CFAP97D2: variants seen among roughly 807,000 people sequenced by gnomAD.
The protein encoded by CFAP97D2 is uncharacterized protein CFAP97D2.
rs2080849962 is a variant in CFAP97D2 at position 114,185,103 on chromosome 13, G to A, written c.90+5683G>A. ...CTCTGTGTCCCACATCCCCAAGGCA[G>A]CCAACTGTGCTGCCCCAACCCTTGT... On this transcript the variant is annotated intron_variant, in intron 1 of 4. Coordinates refer to ENST00000646158, the Ensembl canonical transcript of CFAP97D2. The surrounding 1 kb of genome is among the most constrained non-coding windows in gnomAD (Gnocchi z 5.2). Among the ~76,000 whole-genome samples, 1 of 152,230 alleles carries A rather than the reference G, an allele frequency of 6.6e-6. No homozygotes were observed. The highest frequency in any genetic ancestry group is 2.4e-5 in the African/African-American group (1 of 41,460).
chr13:114,201,362 A>G (rs952024927), intron 3 of CFAP97D2, among the ~76,000 whole-genome samples: 2 of 152,218 alleles, frequency 1.3e-5, no homozygotes, highest in Admixed American at 1.3e-4. Flanking sequence ...TAGTAGTTTC[A>G]GATTTCATAA....
intron 3 of CFAP97D2, among the ~76,000 whole-genome samples, chr13:114,210,625 A>G (rs1461049509): frequency 5.9e-5 from 9 of 152,046 alleles, no homozygotes; most frequent in Non-Finnish European, 1.2e-4. Context: ...TCCATGGGCA[A>G]CGTTGCCCAG....
rs777359954 is a variant in CFAP97D2 at position 114,207,485 on chromosome 13, A to G, written c.291-4427A>G. On this transcript the variant is annotated intron_variant, in intron 3 of 4. Coordinates refer to ENST00000646158, the Ensembl canonical transcript of CFAP97D2. The surrounding 1 kb of genome is among the most constrained non-coding windows in gnomAD (Gnocchi z 4.9). ...AGATCATCAGGCATTAGATTTTCATAAGGAACACGCAGCTTAGATCTCTCG... is the reference window on the plus strand; with the variant it reads ...AGATCATCAGGCATTAGATTTTCATGAGGAACACGCAGCTTAGATCTCTCG... Among the ~76,000 whole-genome samples the G allele has an allele frequency of 3.3e-5, 5 of 152,074 alleles. No homozygotes were observed. The highest frequency in any genetic ancestry group is 7.4e-5 in the Non-Finnish European group (5 of 68,020).
chr13:114,186,676 A>G lies in CFAP97D2; in HGVS notation c.90+7256A>G, dbSNP rs1385489453. ...CCTCCAAGCTTCTGGGCACCACTGC[A>G]TTCCCCAGTGCCAACTATGGAAGCT... On this transcript the variant is annotated intron_variant, in intron 1 of 4. Transcript: ENST00000646158. This position sits in a 1 kb window ranked among gnomAD's most constrained non-coding sequence, Gnocchi z 4.3. 6.6e-6 allele frequency among the ~76,000 whole-genome samples: 1 copy of G among 152,226 alleles called. No individual in the cohort carries two copies. The highest frequency in any genetic ancestry group is 6.5e-5 in the Admixed American group (1 of 15,288).
rs2080966922 is a variant in CFAP97D2 at position 114,211,668 on chromosome 13, A to G, written c.291-244A>G. Among the ~76,000 whole-genome samples the G allele has an allele frequency of 6.6e-6, 1 of 152,166 alleles. No individual in the cohort carries two copies. The highest frequency in any genetic ancestry group is 1.5e-5 in the Non-Finnish European group (1 of 68,034). ...GCTGTGCCCCATTGTGCTCACCCTGAAAACGCCCCTCCCGCCGTGCAAAGC... is the reference window on the plus strand; with the variant it reads ...GCTGTGCCCCATTGTGCTCACCCTGGAAACGCCCCTCCCGCCGTGCAAAGC... On this transcript the variant is annotated intron_variant, in intron 3 of 4. Transcript: ENST00000646158. This position sits in a 1 kb window ranked among gnomAD's most constrained non-coding sequence, Gnocchi z 4.2.
chr13:114,212,809 G>C (rs1034872902), intron 4 of CFAP97D2, among the ~76,000 whole-genome samples: 37 of 152,040 alleles, frequency 2.4e-4, no homozygotes, highest in African/African-American at 8.5e-4. Context: ...CCGAGATCTT[G>C]CCACTGCACT....
chr13:114,218,774 G>A (rs560595438), intron 4 of CFAP97D2, among the ~76,000 whole-genome samples: 1 of 152,144 alleles, frequency 6.6e-6, no homozygotes, highest in African/African-American at 2.4e-5. Context: ...CAAGAAATGG[G>A]GAAAGGATTC....
chr13:114,220,162 C>A (rs7996053), intron 4 of CFAP97D2, among the ~76,000 whole-genome samples: 9,912 of 152,228 alleles, frequency 0.065, 549 homozygotes, highest in African/African-American at 0.13. Flanking sequence ...AGAAGACCCT[C>A]CTGGGCCCAG....
At chr13:114,217,210 C>T (rs2080997850) in intron 4 of CFAP97D2, among the ~76,000 whole-genome samples, 1 of 152,056 alleles carries the variant, frequency 6.6e-6, no homozygotes, top group Non-Finnish European at 1.5e-5. Flanking sequence ...ACCACTGATC[C>T]CACAGAAATA....
At chr13:114,193,807 G>A (rs1209070368) in intron 1 of CFAP97D2, among the ~76,000 whole-genome samples, 1 of 152,198 alleles carries the variant, frequency 6.6e-6, no homozygotes, top group African/African-American at 2.4e-5. Context: ...GTTGGCAAAT[G>A]TGTTTGTAGA....
At chr13:114,182,437 C>T in intron 1 of CFAP97D2, among the ~76,000 whole-genome samples, 1 of 151,924 alleles carries the variant, frequency 6.6e-6, no homozygotes, top group Non-Finnish European at 1.5e-5. Context: ...TCCTCTATCT[C>T]AACTGCAAGA....
intron 4 of CFAP97D2, among the ~76,000 whole-genome samples, chr13:114,213,279 C>T (rs1333337670): frequency 6.6e-6 from 1 of 150,452 alleles, no homozygotes; most frequent in Non-Finnish European, 1.5e-5. Flanking sequence ...CACCCCTGCA[C>T]AAACTCCAGA....
rs756548567 is a variant in CFAP97D2 at position 114,207,248 on chromosome 13, A to T, written c.291-4664A>T. Among the ~76,000 whole-genome samples, 1 of 152,192 alleles carries T rather than the reference A, an allele frequency of 6.6e-6. No homozygotes were observed. The highest frequency in any genetic ancestry group is 1.5e-5 in the Non-Finnish European group (1 of 68,012). ...AAAGTATCTAGACAGGTCTCAAACA[A>T]TCTAGGGGTTTATTTGCCACCATTG... is the stretch of plus-strand genomic sequence containing the variant. On this transcript the variant is annotated intron_variant, in intron 3 of 4. Transcript: ENST00000646158. This position sits in a 1 kb window ranked among gnomAD's most constrained non-coding sequence, Gnocchi z 4.9.
chr13:114,205,881 T>C (rs192965099), intron 3 of CFAP97D2, among the ~76,000 whole-genome samples: 27 of 152,224 alleles, frequency 1.8e-4, no homozygotes, highest in South Asian at 8.3e-4. Flanking sequence ...TGGGACTTAG[T>C]CTCAGCAACA....
intron 4 of CFAP97D2, among the ~76,000 whole-genome samples, chr13:114,217,795 T>A (rs576836377): frequency 6.6e-6 from 1 of 152,178 alleles, no homozygotes; most frequent in Non-Finnish European, 1.5e-5. Flanking sequence ...TCTCAATAGA[T>A]ACAGAAAAGG....
intron 4 of CFAP97D2, among the ~76,000 whole-genome samples, chr13:114,214,582 T>TTTTGTTTG (rs10636230): frequency 2.1e-4 from 32 of 150,994 alleles, no homozygotes; most frequent in East Asian, 5.9e-4. Flanking sequence ...ATATTTGAGG[T>TTTTGTTTG]TTTGTTTGTT....
chr13:114,188,540 G>A (rs2138753575), intron 1 of CFAP97D2, among the ~76,000 whole-genome samples: 1 of 152,060 alleles, frequency 6.6e-6, no homozygotes, highest in South Asian at 2.1e-4. Context: ...CCCTTTACGA[G>A]GCCGAGGCGG....
At chr13:114,182,836 A>G (rs2080841599) in intron 1 of CFAP97D2, among the ~76,000 whole-genome samples, 1 of 152,226 alleles carries the variant, frequency 6.6e-6, no homozygotes, top group Non-Finnish European at 1.5e-5. Context: ...ATCTCAGCAA[A>G]GCAATTATTC....
intron 4 of CFAP97D2, among the ~76,000 whole-genome samples, chr13:114,221,762 G>GA (rs59891583): frequency 0.46 from 68,922 of 150,254 alleles, 18,767 homozygotes; most frequent in African/African-American, 0.77. Context: ...AAAATGAAAA[G>GA]AAAAAAAAAG....
Sources: gnomAD v4.1 joint callset for allele counts (sites outside exome capture counted in the v4.1 genomes callset) on GRCh38, gnomAD v4.1.1 for gene constraint, Gnocchi (gnomAD v3.1) non-coding constraint, MANE v1.5 for transcripts, NCBI Gene and HGNC (gene_info 2026-07-23, HGNC 2026-07-21) for gene names.